The following SSPN variants were observed in gnomAD, a reference collection of about 807,000 sequenced individuals.
SSPN encodes the protein sarcospan, also known as K-ras oncogene-associated protein.
In SSPN, 15 loss-of-function variants were observed where a neutral mutation model predicts 19.1. The ratio of observed to expected loss-of-function variants is 0.78; its 90% CI spans 0.52 to 1.21. The LOEUF (loss-of-function observed/expected upper bound fraction) is 1.21. Among genes scored for constraint, SSPN ranks in the 50% most tolerant of loss-of-function variants. The pLI, the probability that SSPN is intolerant of heterozygous loss-of-function variation, is 0.00. For synonymous variants in SSPN, 147 were observed against 140.3 expected (o/e 1.05, Z -0.34); for missense variants, 291 against 314.0 (o/e 0.93, Z 0.55).
intron 1 of SSPN, among the ~76,000 whole-genome samples, chr12:26,181,506 G>A (rs1405255573): frequency 6.6e-6 from 1 of 152,040 alleles, no homozygotes; most frequent in African/African-American, 2.4e-5. Context: ...AGGGAGCACG[G>A]TAAGAACTCA....
At chr12:26,214,946 G>A (rs1464328639) in intron 1 of SSPN, among the ~76,000 whole-genome samples, 1 of 152,126 alleles carries the variant, frequency 6.6e-6, no homozygotes, top group Non-Finnish European at 1.5e-5. Context: ...ATTATAAAAT[G>A]GATGAGGGAT....
chr12:26,132,427 G>A (rs905739705), intron 1 of SSPN, among the ~76,000 whole-genome samples: 1 of 152,126 alleles, frequency 6.6e-6, no homozygotes, highest in African/African-American at 2.4e-5. Flanking sequence ...GCCATTTTAT[G>A]TTCCAAAAAA....
rs568406018 is a variant in SSPN, at chr12:26,143,244, A to G, written c.-31+21092A>G. ...CAGCTAAGCAAAATATTTCTTTAAG[A>G]TGATGGTAGTGTATCATCTTAATAT... is the stretch of plus-strand genomic sequence containing the variant. On this transcript the variant is annotated intron_variant, in intron 1 of 2. Coordinates refer to the SSPN transcript ENST00000538142. Among the ~76,000 whole-genome samples the G allele has an allele frequency of 7.9e-5, 12 of 152,356 alleles. No individual in the cohort carries two copies. The East Asian group carries it at 2.3e-3, about 29-fold the overall frequency.
chr12:26,227,595 C>T (rs1385881230), intron 2 of SSPN, among the ~76,000 whole-genome samples: 3 of 152,202 alleles, frequency 2.0e-5, no homozygotes, highest in African/African-American at 7.2e-5. Flanking sequence ...AATTAATATC[C>T]TCAGTCCTCA....
At chr12:26,192,669 GTGTGAGT>G (rs1214421893), upstream of SSPN, among the ~76,000 whole-genome samples, 4 of 152,184 alleles carry the variant, frequency 2.6e-5, no homozygotes, top group African/African-American at 9.7e-5. Flanking sequence ...AGCTGAGCAG[GTGTGAGT>G]TTCCCTAGAC....
intron 1 of SSPN, among the ~76,000 whole-genome samples, chr12:26,199,911 A>G (rs997657636): frequency 1.3e-5 from 2 of 152,226 alleles, no homozygotes; most frequent in Admixed American, 6.5e-5. Flanking sequence ...AATACTTCCG[A>G]TTAGAAAATT....
intron 1 of SSPN, among the ~76,000 whole-genome samples, chr12:26,151,178 T>C (rs1052644346): frequency 1.1e-5 from 1 of 89,804 alleles, no homozygotes; most frequent in African/African-American, 2.8e-5. Context: ...TGTTAGTCTT[T>C]TGAGCAGGTT....
At chr12:26,162,336 A>T (rs1944594517) in intron 1 of SSPN, among the ~76,000 whole-genome samples, 1 of 152,230 alleles carries the variant, frequency 6.6e-6, no homozygotes, top group Non-Finnish European at 1.5e-5. Context: ...CCCCTGAGCC[A>T]GTCTTTCTTT....
At chr12:26,147,438 A>C (rs1944499451) in intron 1 of SSPN, among the ~76,000 whole-genome samples, 1 of 151,972 alleles carries the variant, frequency 6.6e-6, no homozygotes. Flanking sequence ...TGCCCGGCTA[A>C]TTTTTGTATT....
chr12:26,162,333 G>A (rs1031879255), intron 1 of SSPN, among the ~76,000 whole-genome samples: 3 of 152,160 alleles, frequency 2.0e-5, no homozygotes, highest in Non-Finnish European at 4.4e-5. Context: ...TAGCCCCTGA[G>A]CCAGTCTTTC....
intron 1 of SSPN, among the ~76,000 whole-genome samples, chr12:26,160,910 C>A (rs1327423310): frequency 6.6e-6 from 1 of 151,902 alleles, no homozygotes; most frequent in Admixed American, 6.6e-5. Flanking sequence ...GAGTTCGAGA[C>A]CAGCCTGGCC....
chr12:26,122,434 C>A, intron 1 of SSPN: 1 of 1,352,326 alleles, frequency 7.4e-7, no homozygotes, highest in Non-Finnish European at 9.6e-7. Flanking sequence ...TGCACGTAGG[C>A]GGCAGCTGCA....
At chr12:26,166,176 A>G (rs1260227011) in intron 1 of SSPN, among the ~76,000 whole-genome samples, 1 of 152,126 alleles carries the variant, frequency 6.6e-6, no homozygotes, top group Non-Finnish European at 1.5e-5. Context: ...AATGTAGATG[A>G]CGGTTGATGA....
At chr12:26,200,953 A>G (rs1316749913) in intron 1 of SSPN, among the ~76,000 whole-genome samples, 1 of 145,410 alleles carries the variant, frequency 6.9e-6, no homozygotes, top group East Asian at 2.0e-4. Context: ...GGAAGTTCTC[A>G]TAGTAAGTAT....
chr12:26,139,107 T>G (rs1167833725), intron 1 of SSPN, among the ~76,000 whole-genome samples: 3 of 152,186 alleles, frequency 2.0e-5, no homozygotes, highest in Admixed American at 2.0e-4. Context: ...TATACTATGT[T>G]ATAAATGATG....
At position 26,140,318 on chromosome 12, in the gene SSPN, G is replaced by A. The variant is rs1281079708; in HGVS notation, c.-31+18166G>A. On this transcript the variant is annotated intron_variant, in intron 1 of 2. Coordinates refer to the SSPN transcript ENST00000538142. ...CCAGTTAATTGAGCTCTGATTTTAA[G>A]GATCATCCTTTGTCCTCTTCTTTTA... Among the ~76,000 whole-genome samples, 2 of 152,074 alleles carry A rather than the reference G, an allele frequency of 1.3e-5. 1 individual carries two copies.
At chr12:26,124,697 G>C (rs1338317203) in intron 1 of SSPN, 1 of 1,613,484 alleles carries the variant, frequency 6.2e-7, no homozygotes, top group Non-Finnish European at 8.5e-7. Context: ...ACAGATATTC[G>C]CAAGGGTGCG....
intron 1 of SSPN, among the ~76,000 whole-genome samples, chr12:26,154,920 T>C (rs1944546903): frequency 6.6e-6 from 1 of 152,106 alleles, no homozygotes; most frequent in Non-Finnish European, 1.5e-5. Flanking sequence ...GATGGTAGTG[T>C]ATGGTGAGGA....
At chr12:26,177,472 G>A (rs1374638249) in intron 1 of SSPN, among the ~76,000 whole-genome samples, 1 of 152,118 alleles carries the variant, frequency 6.6e-6, no homozygotes, top group Non-Finnish European at 1.5e-5. Flanking sequence ...TCTGGGAGAG[G>A]AACTGTGAAG....
Sources: gnomAD v4.1 joint callset for allele counts (sites outside exome capture counted in the v4.1 genomes callset) on GRCh38, gnomAD v4.1.1 for gene constraint, MANE v1.5 for transcripts, NCBI Gene and HGNC (gene_info 2026-07-23, HGNC 2026-07-21) for gene names.